Variants in MAS1 observed in about 807,000 individuals in gnomAD.
MAS1 encodes the protein proto-oncogene Mas.
For synonymous variants in MAS1, 163 were observed against 164.2 expected, an observed-to-expected ratio of 0.99 and a Z score of 0.05; for missense variants, 387 against 409.7, an observed-to-expected ratio of 0.94 and a Z score of 0.48.
In MAS1 at chr6:159,915,137, T is replaced by C. The variant is rs1783007500; in HGVS notation, c.*7204T>C. 6.6e-6 allele frequency: 1 copy of C among 152,212 alleles called. No homozygotes were observed. Among genetic ancestry groups the C allele is most frequent in the Admixed American group, 6.5e-5 (1 of 15,284 alleles). The allele number at this position is 152,212 out of a possible 1,614,324, so 9.4% of individuals were successfully genotyped here. On this transcript the variant is annotated 3_prime_UTR_variant, in exon 3 of 3. Coordinates refer to ENST00000674077, the MANE Select transcript of MAS1 (RefSeq NM_002377.4). Reference sequence around the variant, plus strand: ...GTTGAGCTCTCCCAAAATGTCCCCTTCTCCTACATTGGCACACGCTTTGGT... The same window carrying C: ...GTTGAGCTCTCCCAAAATGTCCCCTCCTCCTACATTGGCACACGCTTTGGT...
At chr6:159,900,128 G>C (rs569841048) in intron 2 of MAS1, among the ~76,000 whole-genome samples, 1 of 152,330 alleles carries the variant, frequency 6.6e-6, no homozygotes, top group Non-Finnish European at 1.5e-5. Context: ...TTGACCCAGA[G>C]AGAAGTTACC....
In MAS1 at chr6:159,909,456, C is replaced by A. The variant is rs1190430511; in HGVS notation, c.*1523C>A. ...TCGCTGGGGGAGAGGAGTCTGTCCC[C>A]TCGAGCAAGGACCCCACTGCCAGCC... On this transcript the variant is annotated 3_prime_UTR_variant, in exon 3 of 3. Coordinates refer to ENST00000674077, the MANE Select transcript of MAS1 (RefSeq NM_002377.4). The A allele has an allele frequency of 6.6e-6, 1 of 152,170 alleles. No individual in the cohort carries two copies. Among genetic ancestry groups the A allele is most frequent in the Non-Finnish European group, 1.5e-5 (1 of 68,036 alleles). 9.4% of individuals were successfully genotyped at this position (152,170 alleles called of 1,614,324 possible).
intron 1 of MAS1, among the ~76,000 whole-genome samples, chr6:159,896,227 A>T (rs61681935): frequency 0.022 from 3,310 of 152,284 alleles, 120 homozygotes; most frequent in African/African-American, 0.075. Context: ...CCCAGGAGAT[A>T]GAGGCTGCAG....
rs1400124047 is a variant in MAS1, at chr6:159,909,782, G to A, written c.*1849G>A. 6.6e-6 allele frequency: 1 copy of A among 152,108 alleles called. No individual in the cohort carries two copies. The highest frequency in any genetic ancestry group is 1.5e-5 in the Non-Finnish European group (1 of 68,010). 9.4% of individuals were successfully genotyped at this position (152,108 alleles called of 1,614,324 possible). On this transcript the variant is annotated 3_prime_UTR_variant, in exon 3 of 3. Transcript: ENST00000674077. The stretch of plus-strand genomic sequence containing the variant: ...TCAAAGAGGACCCTAAAGACTATCA[G>A]ATACAAGGAATTTCTACCTAAGGAA...
chr6:159,895,051 C>T (rs1562308990), intron 1 of MAS1, among the ~76,000 whole-genome samples: 1 of 152,174 alleles, frequency 6.6e-6, no homozygotes, highest in Non-Finnish European at 1.5e-5. Flanking sequence ...TTACTAACAA[C>T]CCAGTTGATT....
chr6:159,904,667 G>A (rs1383606338), intron 2 of MAS1, among the ~76,000 whole-genome samples: 4 of 152,108 alleles, frequency 2.6e-5, no homozygotes, highest in East Asian at 1.9e-4. Flanking sequence ...GGCTGTTCAC[G>A]CCTCAGTCCC....
At chr6:159,893,803 C>A (rs919640881) in intron 1 of MAS1, among the ~76,000 whole-genome samples, 1 of 152,106 alleles carries the variant, frequency 6.6e-6, no homozygotes, top group African/African-American at 2.4e-5. Flanking sequence ...ATGCAATGAG[C>A]ACATTTTACA....
rs1311930551 is a variant in MAS1, at chr6:159,912,736, G to T, written c.*4803G>T. The T allele has an allele frequency of 2.6e-5, 4 of 152,202 alleles. No individual in the cohort carries two copies. Among genetic ancestry groups the T allele is most frequent in the African/African-American group, 7.2e-5 (3 of 41,440 alleles). The allele number at this position is 152,202 out of a possible 1,614,324, so 9.4% of individuals were successfully genotyped here. ...CTACAGTTTTGTGGATCAGTCTTGT[G>T]ATGCCTGAGAGTCAATGTGCAAACT... On this transcript the variant is annotated 3_prime_UTR_variant, in exon 3 of 3. Transcript: ENST00000674077.
In MAS1 at chr6:159,907,084, C is replaced by T. The variant is rs1332425456; in HGVS notation, c.129C>T (p.Ser43=). ...PIVHWVIMSI[S]PVGFVENGIL... is the part of the protein sequence containing the mutation. ...TGCACTGGGTCATTATGAGCATCTC[C>T]CCAGTGGGGTTTGTTGAGAATGGGA... is the stretch of plus-strand genomic sequence containing the variant. Residue 43 remains serine, a synonymous_variant, in exon 3 of 3, where the codon TCC becomes TCT. Coordinates refer to ENST00000674077, the MANE Select transcript of MAS1 (RefSeq NM_002377.4). 6.2e-7 allele frequency: 1 copy of T among 1,614,166 alleles called. No homozygotes were observed. The highest frequency in any genetic ancestry group is 1.6e-4 in the Middle Eastern group (1 of 6,062).
At chr6:159,895,031 A>C (rs1245718150) in intron 1 of MAS1, among the ~76,000 whole-genome samples, 1 of 152,222 alleles carries the variant, frequency 6.6e-6, no homozygotes, top group Non-Finnish European at 1.5e-5. Context: ...CCATCTTTTA[A>C]GGATCTTAAT....
At position 159,909,603 on chromosome 6, in the gene MAS1, G is replaced by A. The variant is rs1013665482; in HGVS notation, c.*1670G>A. 6 of 152,136 alleles carry A rather than the reference G, an allele frequency of 3.9e-5. No homozygotes were observed. The highest frequency in any genetic ancestry group is 1.4e-4 in the African/African-American group (6 of 41,416). 9.4% of individuals were successfully genotyped at this position (152,136 alleles called of 1,614,324 possible). ...GACATTTAGAATGATCTTGTTTTTGGTTGAAAACAGAGCATTTTCCCTGGG... is the reference window on the plus strand; with the variant it reads ...GACATTTAGAATGATCTTGTTTTTGATTGAAAACAGAGCATTTTCCCTGGG... On this transcript the variant is annotated 3_prime_UTR_variant, in exon 3 of 3. Transcript: ENST00000674077.
upstream of MAS1, among the ~76,000 whole-genome samples, chr6:159,889,465 C>T (rs1345706825): frequency 2.0e-5 from 3 of 152,168 alleles, no homozygotes; most frequent in African/African-American, 7.2e-5. Flanking sequence ...CTTCATCCCT[C>T]ATTTCCTTCG....
chr6:159,904,413 G>A (rs139040348), intron 2 of MAS1, among the ~76,000 whole-genome samples: 19 of 152,078 alleles, frequency 1.2e-4, no homozygotes, highest in African/African-American at 3.6e-4. Context: ...CTGCTAACCC[G>A]CTTCACCTGC....
chr6:159,894,033 G>A (rs1782728331), intron 1 of MAS1, among the ~76,000 whole-genome samples: 1 of 152,172 alleles, frequency 6.6e-6, no homozygotes, highest in Admixed American at 6.5e-5. Flanking sequence ...GCCACCTGAT[G>A]AGGCTCAGTT....
chr6:159,916,789 A>C lies in MAS1; in HGVS notation c.*8856A>C, dbSNP rs1783032304. On this transcript the variant is annotated 3_prime_UTR_variant, in exon 3 of 3. Transcript: ENST00000674077. ...AAGCTGCTGTTGAGGGCCGGATAGC[A>C]GCCACTCTTGGCTTTGCGGGCCGTA... Among the ~76,000 whole-genome samples, 1 of 152,238 alleles carries C rather than the reference A, an allele frequency of 6.6e-6. No individual in the cohort carries two copies. The highest frequency in any genetic ancestry group is 2.1e-4 in the South Asian group (1 of 4,832).
chr6:159,898,650 C>T (rs781366848), intron 1 of MAS1, among the ~76,000 whole-genome samples: 20 of 143,948 alleles, frequency 1.4e-4, no homozygotes, highest in South Asian at 4.5e-4. Flanking sequence ...CTCCCTCTTC[C>T]TCCTCCTCCC....
chr6:159,899,848 C>G (rs905935510), intron 2 of MAS1, among the ~76,000 whole-genome samples: 1 of 152,072 alleles, frequency 6.6e-6, no homozygotes, highest in Non-Finnish European at 1.5e-5. Flanking sequence ...GAGTTCATGA[C>G]CAGTCTGGCC....
At chr6:159,905,315 G>A (rs1416964041) in intron 2 of MAS1, among the ~76,000 whole-genome samples, 1 of 152,228 alleles carries the variant, frequency 6.6e-6, no homozygotes, top group African/African-American at 2.4e-5. Context: ...CTTTGGTTAG[G>A]CATGACAGGG....
intron 2 of MAS1, among the ~76,000 whole-genome samples, chr6:159,901,662 G>T (rs1055642421): frequency 2.0e-5 from 3 of 151,932 alleles, no homozygotes; most frequent in Non-Finnish European, 4.4e-5. Flanking sequence ...TCTTGGGTAT[G>T]AACATAGCAA....
Sources: gnomAD v4.1 joint callset for allele counts (sites outside exome capture counted in the v4.1 genomes callset) on GRCh38, gnomAD v4.1.1 for gene constraint, MANE v1.5 for transcripts, NCBI Gene and HGNC (gene_info 2026-07-23, HGNC 2026-07-21) for gene names.